The following ZNF37A variants were observed in gnomAD, a reference collection of about 807,000 sequenced individuals.
ZNF37A encodes the protein zinc finger protein 37A.
Under a neutral mutation model 12.3 loss-of-function variants are expected in ZNF37A, and 10 were observed. That is an observed-to-expected ratio of 0.82 (90% CI 0.50 to 1.38). The LOEUF is 1.38. ZNF37A is among the 40% of genes most tolerant of loss of function. The pLI, the probability that ZNF37A is intolerant of heterozygous loss-of-function variation, is 0.00. For missense variants in ZNF37A, 580 were observed against 651.2 expected, an observed-to-expected ratio of 0.89 and a Z score of 1.19; for synonymous variants, 207 against 223.0, an observed-to-expected ratio of 0.93 and a Z score of 0.64.
chr10:38,136,424 G>T (rs2070108890), intron 7 of ZNF37A, among the ~76,000 whole-genome samples: 1 of 152,156 alleles, frequency 6.6e-6, no homozygotes, highest in South Asian at 2.1e-4. Flanking sequence ...AAAGTGCTGG[G>T]ATTACAGGTG....
At chr10:38,134,796 G>C (rs1441123934) in intron 7 of ZNF37A, among the ~76,000 whole-genome samples, 2 of 152,182 alleles carry the variant, frequency 1.3e-5, no homozygotes, top group East Asian at 3.9e-4. Context: ...CTCTGTGCTG[G>C]GAGGACCACT....
chr10:38,112,096 T>C (rs557465134), intron 5 of ZNF37A, among the ~76,000 whole-genome samples: 35 of 151,206 alleles, frequency 2.3e-4, no homozygotes, highest in African/African-American at 8.0e-4. Context: ...TTAACAGGCA[T>C]TTTTCCTGGA....
chr10:38,112,796 T>TC (rs1564932659), intron 5 of ZNF37A, among the ~76,000 whole-genome samples: 1,379 of 47,514 alleles, frequency 0.029, 166 homozygotes, highest in African/African-American at 0.039. Flanking sequence ...TTTTCTTTTC[T>TC]TGTCTTGTCT....
chr10:38,112,730 ATTTTCTTTTC>A (rs545261135), intron 5 of ZNF37A, among the ~76,000 whole-genome samples: 9,421 of 77,278 alleles, frequency 0.12, 761 homozygotes, highest in Middle Eastern at 0.16. Context: ...TTTTACATCC[ATTTTCTTTTC>A]TTTTCTTTTC....
chr10:38,099,701 T>C (rs1428120079), intron 5 of ZNF37A, among the ~76,000 whole-genome samples: 1 of 152,238 alleles, frequency 6.6e-6, no homozygotes, highest in Non-Finnish European at 1.5e-5. Flanking sequence ...CAACCTGTTT[T>C]CTACAGAAGG....
chr10:38,139,472 A>T lies in ZNF37A; in HGVS notation c.239-7260A>T, dbSNP rs540737856. ...AACCTCCGCCTCCTGGGTTCAAGTG[A>T]TTCTCCTGCCTCAGCCTCCTGAGTA... is the stretch of plus-strand genomic sequence containing the variant. On this transcript the variant is annotated intron_variant, in intron 7 of 7. Transcript: ENST00000638053. The T allele has an allele frequency of 2.9e-4, 44 of 152,140 alleles. 1 individual carries two copies. The highest frequency in any genetic ancestry group is 1.0e-3 in the African/African-American group (43 of 41,494). The allele number at this position is 152,140 out of a possible 1,614,324, so 9.4% of individuals were successfully genotyped here.
At chr10:38,106,130 G>C (rs1233148463) in intron 5 of ZNF37A, among the ~76,000 whole-genome samples, 2 of 152,068 alleles carry the variant, frequency 1.3e-5, no homozygotes, top group African/African-American at 4.8e-5. Flanking sequence ...TTGTATATGT[G>C]CTTTATTATG....
At chr10:38,104,750 G>A (rs1156909702) in intron 5 of ZNF37A, among the ~76,000 whole-genome samples, 3 of 151,510 alleles carry the variant, frequency 2.0e-5, no homozygotes, top group African/African-American at 7.3e-5. Context: ...TTGACAGTTA[G>A]GAAATACATG....
intron 5 of ZNF37A, among the ~76,000 whole-genome samples, chr10:38,110,971 C>T (rs1432907921): frequency 6.6e-6 from 1 of 152,142 alleles, no homozygotes; most frequent in Non-Finnish European, 1.5e-5. Context: ...ACCCAGGAAT[C>T]CCATTACTGG....
chr10:38,104,782 A>G (rs1428921855), intron 5 of ZNF37A, among the ~76,000 whole-genome samples: 1 of 152,098 alleles, frequency 6.6e-6, no homozygotes, highest in Admixed American at 6.6e-5. Flanking sequence ...ACATACACAC[A>G]CACACACAGA....
intron 7 of ZNF37A, chr10:38,140,159 A>G (rs2070163392): frequency 6.6e-6 from 1 of 152,262 alleles, no homozygotes; most frequent in Admixed American, 6.5e-5. Context: ...ACCAAATGCT[A>G]CACCACAAAC....
intron 7 of ZNF37A, among the ~76,000 whole-genome samples, chr10:38,136,025 T>C (rs1354879105): frequency 1.3e-5 from 2 of 152,246 alleles, no homozygotes; most frequent in East Asian, 1.9e-4. Context: ...GGCAGGTCTA[T>C]GGAAAAATGA....
intron 5 of ZNF37A, among the ~76,000 whole-genome samples, chr10:38,113,253 C>T (rs2068972808): frequency 1.5e-5 from 2 of 136,272 alleles, no homozygotes; most frequent in Admixed American, 7.8e-5. Context: ...CACTCTGTCA[C>T]CCAGGCTGGA....
chr10:38,100,721 C>G (rs551424191), intron 5 of ZNF37A, among the ~76,000 whole-genome samples: 1 of 152,266 alleles, frequency 6.6e-6, no homozygotes, highest in East Asian at 1.9e-4. Flanking sequence ...ATGCAATTAT[C>G]ACATGGTCCT....
chr10:38,118,272 A>G lies in ZNF37A; in HGVS notation c.1121A>G (p.Gln374Arg). 6.2e-7 allele frequency: 1 copy of G among 1,614,004 alleles called. No homozygotes were observed. Among genetic ancestry groups the G allele is most frequent in the Non-Finnish European group, 8.5e-7 (1 of 1,179,996 alleles). The stretch of plus-strand genomic sequence containing the variant: ...TTTAAGTCAGTCCTTACTGTGCATC[A>G]GAAAACACACACAGGGGAGAAGCCC... ...FSFKSVLTVHQKTHTGEKPYE... is the reference protein window; with the variant it reads ...FSFKSVLTVHRKTHTGEKPYE... Residue 374 changes from glutamine to arginine, a missense_variant, in exon 8 of 8, where the codon CAG (glutamine) becomes CGG (arginine). Transcript: ENST00000685332.
Position 38,096,424 on chromosome 10 carries a change from A to G in ZNF37A, c.-44-150A>G, listed in dbSNP as rs7905116. The G allele has an allele frequency of 3.5e-3, 1,780 of 510,348 alleles. 27 individuals carry two copies. Among genetic ancestry groups the G allele is most frequent in the African/African-American group, 0.033 (1,664 of 50,926 alleles). 31.6% of individuals were successfully genotyped at this position (510,348 alleles called of 1,614,324 possible). A position where few individuals can be genotyped will look rare whatever the true frequency, so the allele number is the denominator to read the frequency against. On this transcript the variant is annotated intron_variant, in intron 4 of 7. Coordinates refer to ENST00000685332, the MANE Select transcript of ZNF37A (RefSeq NM_001324250.3). ...GTCAGTAGAAAACAAACGTTTTTAC[A>G]TTTGAAAACTAATGAGTCCAAGCAG...
chr10:38,110,331 T>C (rs1216000313), intron 5 of ZNF37A, among the ~76,000 whole-genome samples: 1 of 152,076 alleles, frequency 6.6e-6, no homozygotes, highest in Non-Finnish European at 1.5e-5. Flanking sequence ...ATACAAAAAT[T>C]AGCTCAAGAT....
chr10:38,125,972 T>C (rs2069919493), downstream of ZNF37A, among the ~76,000 whole-genome samples: 1 of 152,100 alleles, frequency 6.6e-6, no homozygotes. Flanking sequence ...CCACATACTT[T>C]TAGATGACCA....
intron 5 of ZNF37A, among the ~76,000 whole-genome samples, chr10:38,108,776 T>C (rs2068367739): frequency 6.6e-6 from 1 of 152,154 alleles, no homozygotes; most frequent in Admixed American, 6.5e-5. Context: ...CTCTCAAGTC[T>C]AAAGCAGGAA....
Sources: gnomAD v4.1 joint callset for allele counts (sites outside exome capture counted in the v4.1 genomes callset) on GRCh38, gnomAD v4.1.1 for gene constraint, MANE v1.5 for transcripts, NCBI Gene and HGNC (gene_info 2026-07-23, HGNC 2026-07-21) for gene names.